Variants in NRXN1 observed in about 807,000 individuals in gnomAD.
NRXN1 encodes neurexin-1.
Under a neutral mutation model 150.9 loss-of-function variants are expected in NRXN1, and 39 were observed. The observed-to-expected ratio is 0.26, with a 90% confidence interval of 0.20 to 0.34. The LOEUF (loss-of-function observed/expected upper bound fraction) is 0.34. Ranked by LOEUF, NRXN1 falls within the 10% of genes least tolerant of loss-of-function variation. The pLI is 1.00. For missense variants in NRXN1, 1,815 were observed against 1,949.9 expected (o/e 0.93, Z 1.30); for synonymous variants, 924 against 757.0 (o/e 1.22, Z -3.62).
At chr2:50,193,072 T>C (rs1205735043) in intron 18 of NRXN1, among the ~76,000 whole-genome samples, 1 of 152,196 alleles carries the variant, frequency 6.6e-6, no homozygotes, top group African/African-American at 2.4e-5. Flanking sequence ...TTCCTTTTAC[T>C]ACAGGGTCAA....
intron 17 of NRXN1, among the ~76,000 whole-genome samples, chr2:50,423,812 A>G (rs944819690): frequency 2.0e-5 from 3 of 152,134 alleles, no homozygotes; most frequent in African/African-American, 7.2e-5. Flanking sequence ...ATGTCAGGAA[A>G]GTGCTTACTA....
intron 18 of NRXN1, among the ~76,000 whole-genome samples, chr2:50,140,883 T>C (rs971278277): frequency 6.6e-6 from 1 of 152,014 alleles, no homozygotes; most frequent in Non-Finnish European, 1.5e-5. Context: ...ATGTTCTGCA[T>C]ATATATGTGT....
intron 2 of NRXN1, among the ~76,000 whole-genome samples, chr2:51,013,366 A>T (rs1383589430): frequency 2.6e-5 from 4 of 151,980 alleles, no homozygotes; most frequent in African/African-American, 9.7e-5. Flanking sequence ...GAAGTAATTC[A>T]TGGGCCAAGT....
chr2:50,930,303 C>T (rs933754737), intron 2 of NRXN1, among the ~76,000 whole-genome samples: 1 of 151,922 alleles, frequency 6.6e-6, no homozygotes, highest in Non-Finnish European at 1.5e-5. Context: ...CAATTTCCCC[C>T]CAAAATATTT....
chr2:50,867,271 C>T (rs1279549153), intron 5 of NRXN1, among the ~76,000 whole-genome samples: 1 of 151,846 alleles, frequency 6.6e-6, no homozygotes, highest in Non-Finnish European at 1.5e-5. Flanking sequence ...GCTCATGGCC[C>T]CTGATTAAGA....
intron 19 of NRXN1, among the ~76,000 whole-genome samples, chr2:50,061,200 G>C (rs887355607): frequency 2.0e-5 from 3 of 151,980 alleles, no homozygotes; most frequent in African/African-American, 7.3e-5. Context: ...CAGTAGCTTT[G>C]CATGATTTTG....
chr2:50,129,783 G>A (rs1705196988), intron 18 of NRXN1, among the ~76,000 whole-genome samples: 1 of 151,962 alleles, frequency 6.6e-6, no homozygotes, highest in Admixed American at 6.6e-5. Context: ...AAGCCACTTT[G>A]GCCACTCCAA....
chr2:49,985,297 A>C (rs992733200), intron 21 of NRXN1, among the ~76,000 whole-genome samples: 1 of 152,194 alleles, frequency 6.6e-6, no homozygotes, highest in Admixed American at 6.5e-5. Flanking sequence ...TTTTGATTCT[A>C]CGATTCAATA....
intron 6 of NRXN1, among the ~76,000 whole-genome samples, 186 bp downstream of exon 6, chr2:50,623,128 C>G (rs530424817): frequency 6.6e-6 from 1 of 152,218 alleles, no homozygotes; most frequent in South Asian, 2.1e-4. Flanking sequence ...AGCCTTTGGG[C>G]TCCCAGAACT....
intron 17 of NRXN1, among the ~76,000 whole-genome samples, chr2:50,272,669 T>G (rs2069855710): frequency 6.6e-6 from 1 of 152,056 alleles, no homozygotes; most frequent in Admixed American, 6.6e-5. Flanking sequence ...ACTCCAACAG[T>G]TAATTCTTCC....
At chr2:50,677,777 G>C (rs1490198671) in intron 5 of NRXN1, among the ~76,000 whole-genome samples, 1 of 152,014 alleles carries the variant, frequency 6.6e-6, no homozygotes. Flanking sequence ...TCTCAGGTCA[G>C]TATTTGGAAA....
intron 2 of NRXN1, among the ~76,000 whole-genome samples, chr2:50,986,227 C>T (rs1319089279): frequency 1.1e-4 from 17 of 151,578 alleles, no homozygotes; most frequent in Admixed American, 1.1e-3. Context: ...AAAACAGAAG[C>T]TTTATATACT....
At chr2:50,530,412 A>T (rs2093067829) in intron 11 of NRXN1, among the ~76,000 whole-genome samples, 1 of 152,192 alleles carries the variant, frequency 6.6e-6, no homozygotes, top group Non-Finnish European at 1.5e-5. Context: ...CCGTGATAAG[A>T]CTTTCCAAAC....
intron 2 of NRXN1, among the ~76,000 whole-genome samples, chr2:50,941,032 T>A (rs907880987): frequency 6.6e-6 from 1 of 152,146 alleles, no homozygotes; most frequent in African/African-American, 2.4e-5. Context: ...AGGTGCAAAC[T>A]TCCCCCTTGC....
intron 17 of NRXN1, among the ~76,000 whole-genome samples, chr2:50,330,099 T>C (rs550947923): frequency 9.5e-4 from 144 of 152,192 alleles, no homozygotes; most frequent in African/African-American, 3.2e-3. Flanking sequence ...GAAATTAATA[T>C]CAACAAAAGA....
chr2:50,998,984 G>C (rs967983928), intron 2 of NRXN1, among the ~76,000 whole-genome samples: 1 of 151,962 alleles, frequency 6.6e-6, no homozygotes, highest in African/African-American at 2.4e-5. Flanking sequence ...TTATAGCAAG[G>C]TCTCTGTGTC....
intron 15 of NRXN1, among the ~76,000 whole-genome samples, chr2:50,484,618 A>G (rs1472401809): frequency 6.6e-6 from 1 of 152,210 alleles, no homozygotes; most frequent in Non-Finnish European, 1.5e-5. Context: ...CCTATTCTAC[A>G]TACCTATAAA....
intron 17 of NRXN1, among the ~76,000 whole-genome samples, chr2:50,389,994 C>T (rs1398963345): frequency 1.3e-5 from 2 of 152,080 alleles, no homozygotes; most frequent in Admixed American, 6.5e-5. Context: ...ATTATTTATA[C>T]CAAGTTAGGC....
chr2:49,992,951 T>C (rs555465792), intron 21 of NRXN1, among the ~76,000 whole-genome samples: 101 of 152,368 alleles, frequency 6.6e-4, no homozygotes, highest in African/African-American at 2.2e-3. Context: ...TGCTCATTCA[T>C]TGCTAGTAGA....
Sources: allele counts gnomAD v4.1 joint callset (sites outside exome capture counted in the v4.1 genomes callset), GRCh38; gene constraint gnomAD v4.1.1; transcripts MANE v1.5; gene names NCBI Gene and HGNC (gene_info 2026-07-23, HGNC 2026-07-21).